DLGAP2: variants seen among roughly 807,000 people sequenced by gnomAD.
DLGAP2 encodes the protein DLG associated protein 2.
DLGAP2 carries 26 observed loss-of-function variants against 100.3 expected under a neutral mutation model. That is an observed-to-expected ratio of 0.26 (90% CI 0.19 to 0.36). The LOEUF (loss-of-function observed/expected upper bound fraction) is 0.36, where lower values mean the gene tolerates loss of function less well. DLGAP2 is among the 10% of genes least tolerant of loss of function. The pLI is 1.00. For missense variants in DLGAP2, 1,858 were observed against 1,453.2 expected, an observed-to-expected ratio of 1.28 and a Z score of -4.53; for synonymous variants, 886 against 630.1, an observed-to-expected ratio of 1.41 and a Z score of -6.08.
At chr8:997,816 G>A (rs1800823271) in intron 2 of DLGAP2, among the ~76,000 whole-genome samples, 1 of 152,058 alleles carries the variant, frequency 6.6e-6, no homozygotes, top group Non-Finnish European at 1.5e-5. Flanking sequence ...TTATACCTAT[G>A]CATACATACA....
At chr8:1,129,795 C>T (rs1796247445) in intron 2 of DLGAP2, among the ~76,000 whole-genome samples, 1 of 152,212 alleles carries the variant, frequency 6.6e-6, no homozygotes, top group East Asian at 1.9e-4. Context: ...CAGAGGCCCA[C>T]TGAGGAGCAG....
At chr8:1,486,648 G>C (rs1229303362) in intron 3 of DLGAP2, among the ~76,000 whole-genome samples, 1 of 152,172 alleles carries the variant, frequency 6.6e-6, no homozygotes, top group Non-Finnish European at 1.5e-5. Context: ...AACTGCATTT[G>C]TCTCCTCTTG....
At chr8:801,691 C>T (rs1796155015) in intron 1 of DLGAP2, among the ~76,000 whole-genome samples, 2 of 152,104 alleles carry the variant, frequency 1.3e-5, no homozygotes, top group Non-Finnish European at 2.9e-5. Flanking sequence ...GAGTGGCTGT[C>T]CTTAGCCCAC....
intron 6 of DLGAP2, among the ~76,000 whole-genome samples, chr8:1,590,753 C>T (rs1400606076): frequency 6.6e-6 from 1 of 152,188 alleles, no homozygotes; most frequent in East Asian, 1.9e-4. Flanking sequence ...CACCTCTGTG[C>T]TCCTGGGTCC....
At chr8:948,821 C>A (rs985221917) in intron 2 of DLGAP2, among the ~76,000 whole-genome samples, 4 of 152,266 alleles carry the variant, frequency 2.6e-5, no homozygotes, top group Non-Finnish European at 5.9e-5. Context: ...GGGCAAACAC[C>A]TCATGCTTTG....
chr8:1,136,164 A>G (rs1006167039), intron 2 of DLGAP2, among the ~76,000 whole-genome samples: 1 of 152,112 alleles, frequency 6.6e-6, no homozygotes, highest in Non-Finnish European at 1.5e-5. Flanking sequence ...CTGGTATTGC[A>G]CTGTCCCAAG....
chr8:1,469,905 C>G (rs777817949), intron 3 of DLGAP2, among the ~76,000 whole-genome samples: 1 of 151,854 alleles, frequency 6.6e-6, no homozygotes, highest in Non-Finnish European at 1.5e-5. Flanking sequence ...GCCTGTAATC[C>G]CACACTTTGG....
intron 1 of DLGAP2, among the ~76,000 whole-genome samples, chr8:786,027 A>G (rs1403024075): frequency 6.6e-6 from 1 of 152,216 alleles, no homozygotes. Context: ...CCTTTTCTGC[A>G]GAGAGCTTCG....
At chr8:1,542,357 T>C (rs1396262006) in intron 4 of DLGAP2, among the ~76,000 whole-genome samples, 1 of 152,226 alleles carries the variant, frequency 6.6e-6, no homozygotes, top group Admixed American at 6.5e-5. Context: ...ATTTAAAACA[T>C]CTTCACCCCA....
At chr8:1,055,993 A>G (rs1039131925) in intron 2 of DLGAP2, among the ~76,000 whole-genome samples, 3 of 152,216 alleles carry the variant, frequency 2.0e-5, no homozygotes, top group African/African-American at 7.2e-5. Flanking sequence ...GTTGAGATGC[A>G]GGAAGCTGCT....
At chr8:1,481,316 C>T (rs1053039625) in intron 3 of DLGAP2, among the ~76,000 whole-genome samples, 1 of 152,118 alleles carries the variant, frequency 6.6e-6, no homozygotes, top group Non-Finnish European at 1.5e-5. Context: ...AGTGTGATAA[C>T]TGATGAGCGT....
In DLGAP2 at chr8:1,364,502, C is replaced by CGGGGT. The variant is rs1554452280; in HGVS notation, c.106+105623_106+105624insTGGGG. On this transcript the variant is annotated intron_variant, in intron 3 of 14. Coordinates refer to ENST00000637795, the MANE Select transcript of DLGAP2 (RefSeq NM_001346810.2). ...AGGCGGGCGCCGGTCATGGGAAGGGCGGGGGGGGTGCAGCGAAGCAGACAC... is the reference window on the plus strand; with the variant it reads ...AGGCGGGCGCCGGTCATGGGAAGGGCGGGGTGGGGGGGGTGCAGCGAAGCAGACAC... Among the ~76,000 whole-genome samples, 18 of 141,612 alleles carry CGGGGT rather than the reference C, an allele frequency of 1.3e-4. 1 individual carries two copies. Among genetic ancestry groups the CGGGGT allele is most frequent in the African/African-American group, 4.8e-4 (18 of 37,292 alleles). The allele number at this position is 141,612 out of a possible 152,430, so 92.9% of individuals were successfully genotyped here.
At chr8:942,254 C>T (rs1028884386) in intron 2 of DLGAP2, among the ~76,000 whole-genome samples, 7 of 152,194 alleles carry the variant, frequency 4.6e-5, no homozygotes, top group African/African-American at 1.7e-4. Context: ...CAGCCCTGAG[C>T]ATTTCTGTTT....
At chr8:1,684,937 T>G (rs2130866473) in intron 12 of DLGAP2, among the ~76,000 whole-genome samples, 1 of 152,060 alleles carries the variant, frequency 6.6e-6, no homozygotes, top group East Asian at 1.9e-4. Flanking sequence ...CCCAAATGAC[T>G]CCTCCCGAAG....
intron 2 of DLGAP2, among the ~76,000 whole-genome samples, chr8:921,134 G>A (rs181173827): frequency 2.6e-5 from 4 of 152,126 alleles, no homozygotes; most frequent in Admixed American, 2.6e-4. Context: ...CTCCTTCTGC[G>A]AGATTTCATC....
chr8:1,555,064 G>T (rs1801913795), intron 5 of DLGAP2, among the ~76,000 whole-genome samples: 1 of 152,156 alleles, frequency 6.6e-6, no homozygotes, highest in Admixed American at 6.5e-5. Flanking sequence ...TGTTTTAAGT[G>T]GCTCATGGTA....
At chr8:1,356,202 C>T (rs1011805572) in intron 3 of DLGAP2, among the ~76,000 whole-genome samples, 1 of 152,102 alleles carries the variant, frequency 6.6e-6, no homozygotes, top group African/African-American at 2.4e-5. Flanking sequence ...CCTGGAGAGG[C>T]TCCCTTTGAA....
intron 2 of DLGAP2, among the ~76,000 whole-genome samples, chr8:945,264 CCTGT>C (rs1363682341): frequency 1.3e-5 from 2 of 152,208 alleles, no homozygotes; most frequent in African/African-American, 4.8e-5. Context: ...TCCCTGCACT[CCTGT>C]CTATGTCCTC....
chr8:921,106 T>G (rs1348560893), intron 2 of DLGAP2, among the ~76,000 whole-genome samples: 2 of 152,244 alleles, frequency 1.3e-5, no homozygotes, highest in African/African-American at 4.8e-5. Context: ...TCTTCCTTCT[T>G]TAACTCACCA....
Sources: gnomAD v4.1 joint callset for allele counts (sites outside exome capture counted in the v4.1 genomes callset) on GRCh38, gnomAD v4.1.1 for gene constraint, MANE v1.5 for transcripts, NCBI Gene and HGNC (gene_info 2026-07-23, HGNC 2026-07-21) for gene names.